MUC4: variants seen among roughly 807,000 people sequenced by gnomAD.
MUC4 encodes the protein mucin 4, cell surface associated, also known as mucin-4.
In MUC4, 202 loss-of-function variants were observed where a neutral mutation model predicts 257.9. The ratio of observed to expected loss-of-function variants is 0.78; its 90% CI spans 0.70 to 0.88. The LOEUF (loss-of-function observed/expected upper bound fraction) is 0.88, where lower values mean the gene tolerates loss of function less well. Among genes scored for constraint, MUC4 ranks in the 40% least tolerant of loss-of-function variants. The probability of loss-of-function intolerance (pLI) is 0.00; values close to 1 mark genes in which losing one functional copy is unlikely to be tolerated. For missense variants in MUC4, 5,976 were observed against 6,513.7 expected (o/e 0.92, Z 2.84); for synonymous variants, 2,351 against 2,757.1 (o/e 0.85, Z 4.62).
chr3:195,751,316 C>CA, intron 21 of MUC4, 45 bp from the exon 22 acceptor site: 2 of 1,455,362 alleles, frequency 1.4e-6, no homozygotes, highest in Non-Finnish European at 1.9e-6. Context: ...AGGCCCCATC[C>CA]GGGGGGGAGA....
At position 195,755,962 on chromosome 3, in the gene MUC4, A is replaced by C. The variant is rs1331158906; in HGVS notation, c.15168+1185T>G. ...CTTTCTGGCTCTTCCTTTACAACCA[A>C]AAATAAAAATAAAAAAGCAGATAGG... is the stretch of plus-strand genomic sequence containing the variant. On this transcript the variant is annotated intron_variant, in intron 18 of 24. Coordinates refer to ENST00000463781, the MANE Select transcript of MUC4 (RefSeq NM_018406.7). This position sits in a 1 kb window ranked among gnomAD's most constrained non-coding sequence, Gnocchi z 5.0. Among the ~76,000 whole-genome samples, 1 of 152,176 alleles carries C rather than the reference A, an allele frequency of 6.6e-6. No individual in the cohort carries two copies. Among genetic ancestry groups the C allele is most frequent in the Admixed American group, 6.5e-5 (1 of 15,278 alleles).
rs186560307 is a variant in MUC4, at chr3:195,780,043, G to T, written c.11537C>A (p.Pro3846His). The T allele has an allele frequency of 7.4e-5, 34 of 460,674 alleles. 10 individuals are homozygous for T. The highest frequency in any genetic ancestry group is 4.9e-4 in the East Asian group (3 of 6,142). 28.5% of individuals were successfully genotyped at this position (460,674 alleles called of 1,614,324 possible). A position where few individuals can be genotyped will look rare whatever the true frequency, so the allele number is the denominator to read the frequency against. Residue 3846 changes from proline to histidine, a missense_variant, in exon 2 of 25, where the codon CCT becomes CAT. By Grantham distance (77) the Pro-to-His change is moderately conservative. Around this residue, in one of 44 missense-constraint regions of MUC4, gnomAD observed 330 missense variants for 262.0 expected, o/e 1.26. Transcript: ENST00000463781. Reference sequence around the variant, plus strand: ...GGTGTCACCTGTGGATACTGAGGAAGGGATGGTGACAGGAAGAGGGGTGGC... The same window carrying T: ...GGTGTCACCTGTGGATACTGAGGAATGGATGGTGACAGGAAGAGGGGTGGC... ...GHATPLPVTI[P>H]SSVSTGDTMP...
chr3:195,807,853 A>G (rs146991753), intron 1 of MUC4, among the ~76,000 whole-genome samples: 1,763 of 152,356 alleles, frequency 0.012, 34 homozygotes, highest in African/African-American at 0.04. Context: ...AGCAATGAAG[A>G]CACAAATCAC....
At position 195,748,997 on chromosome 3, in the gene MUC4, G is replaced by T; in HGVS notation, c.15939C>A (p.Ser5313Arg). 6.2e-7 allele frequency: 1 copy of T among 1,609,802 alleles called. No individual in the cohort carries two copies. Among genetic ancestry groups the T allele is most frequent in the East Asian group, 2.2e-5 (1 of 44,724 alleles). Residue 5313 changes from serine to arginine, a missense_variant, in exon 24 of 25, where the codon AGC (serine) becomes AGA (arginine). Ser to Arg is a moderately radical substitution (Grantham distance 110). This residue lies in a region of MUC4 where 310 missense variants were observed against 242.1 expected (regional missense o/e 1.28). Coordinates refer to ENST00000463781, the MANE Select transcript of MUC4 (RefSeq NM_018406.7). ...ACACGCAGGTGAAGCCGCTCTGGGG[G>T]CTGTAGACCAGGTCGTAGCCCTTGT... Reference protein sequence around the residue: ...DGYKGYDLVYSPQSGFTCVSP... With the variant: ...DGYKGYDLVYRPQSGFTCVSP...
chr3:195,785,556 T>G lies in MUC4; in HGVS notation c.6024A>C (p.Ser2008=), dbSNP rs1337680806. The change falls in exon 2 of 25, where the codon TCA becomes TCC. Residue 2008 remains serine, a synonymous_variant. Coordinates refer to ENST00000463781, the MANE Select transcript of MUC4 (RefSeq NM_018406.7). ...GAGGGGTGGCCTGTCCTGTAGATAC[T>G]GAGGAAGTGTCGGTGACCGGAAGAG... is the stretch of plus-strand genomic sequence containing the variant. ...ATPLPVTDTS[S]VSTGQATPLP... 6.6e-7 allele frequency: 1 copy of G among 1,519,466 alleles called. No individual in the cohort carries two copies. The allele number at this position is 1,519,466 out of a possible 1,614,324, so 94.1% of individuals were successfully genotyped here. A position where few individuals can be genotyped will look rare whatever the true frequency, so the allele number is the denominator to read the frequency against.
At position 195,790,584 on chromosome 3, in the gene MUC4, G is replaced by T. The variant is rs1733735364; in HGVS notation, c.996C>A (p.Thr332=). The T allele has an allele frequency of 1.2e-6, 2 of 1,613,880 alleles. No homozygotes were observed. The highest frequency in any genetic ancestry group is 2.7e-5 in the African/African-American group (2 of 74,916). ...GGGTGTTGATTTGAGATACTCTGGTGGTCTCCACGCTCTGAGTCTGGTGGT... is the reference window on the plus strand; with the variant it reads ...GGGTGTTGATTTGAGATACTCTGGTTGTCTCCACGCTCTGAGTCTGGTGGT... ...SKNHQTQSVE[T]TRVSQINTLN... Residue 332 remains threonine (T), a synonymous_variant, in exon 2 of 25, where the codon ACC becomes ACA. Transcript: ENST00000463781.
At chr3:195,754,762 G>A (rs548189811) in intron 18 of MUC4, among the ~76,000 whole-genome samples, 1 of 152,202 alleles carries the variant, frequency 6.6e-6, no homozygotes, top group African/African-American at 2.4e-5. Flanking sequence ...ATCCATGTAT[G>A]TATGTATCCA....
chr3:195,765,464 G>T lies in MUC4; in HGVS notation c.13619-15C>A, dbSNP rs202055256. 142 of 1,604,696 alleles carry T rather than the reference G, an allele frequency of 8.8e-5. No individual in the cohort carries two copies. The highest frequency in any genetic ancestry group is 4.9e-4 in the East Asian group (22 of 44,740). Reference sequence around the variant, plus strand: ...CCCTTGGAGGCCTGAGGTCGGGGATGGGGGGGAAAGGGCTTATCCAGGGCT... The same window carrying T: ...CCCTTGGAGGCCTGAGGTCGGGGATTGGGGGGAAAGGGCTTATCCAGGGCT... On this transcript the variant is annotated splice_polypyrimidine_tract_variant and intron_variant, in intron 8 of 24. Coordinates refer to ENST00000463781, the MANE Select transcript of MUC4 (RefSeq NM_018406.7).
rs375346565 is a variant in MUC4 at position 195,765,465 on chromosome 3, G to T, written c.13619-16C>A. 9 of 1,606,312 alleles carry T rather than the reference G, an allele frequency of 5.6e-6. No individual in the cohort carries two copies. In the African/African-American group the frequency reaches 6.7e-5, roughly 12 times the overall value. ...CCTTGGAGGCCTGAGGTCGGGGATG[G>T]GGGGGAAAGGGCTTATCCAGGGCTG... On this transcript the variant is annotated splice_polypyrimidine_tract_variant and intron_variant, in intron 8 of 24. Coordinates refer to ENST00000463781, the MANE Select transcript of MUC4 (RefSeq NM_018406.7).
chr3:195,767,036 C>A (rs1720663249), intron 7 of MUC4, among the ~76,000 whole-genome samples: 2 of 152,150 alleles, frequency 1.3e-5, no homozygotes, highest in South Asian at 4.1e-4. Flanking sequence ...GTGAAAACAA[C>A]AGAGTTCAGG....
Position 195,789,430 on chromosome 3 carries a change from G to T in MUC4, c.2150C>A (p.Pro717His), listed in dbSNP as rs777801679. 14 of 1,613,948 alleles carry T rather than the reference G, an allele frequency of 8.7e-6. No individual in the cohort carries two copies. The highest frequency in any genetic ancestry group is 1.6e-4 in the Middle Eastern group (1 of 6,062). ...CCCCAGGGTGGCATCATGGCTGCTG[G>T]GTGCTGCCTGCAGTGCTGTGGTCGG... ...QAPTTALQAA[P>H]SSHDATLGPS... Residue 717 changes from proline to histidine, a missense_variant, in exon 2 of 25, where the codon CCC becomes CAC. By Grantham distance (77) the Pro-to-His change is moderately conservative. Coordinates refer to ENST00000463781, the MANE Select transcript of MUC4 (RefSeq NM_018406.7).
At chr3:195,778,713 G>T in intron 2 of MUC4, 77 bp downstream of exon 2, 1 of 1,451,308 alleles carries the variant, frequency 6.9e-7, no homozygotes, top group Non-Finnish European at 9.3e-7. Context: ...ATGCACCAGT[G>T]TTCTCAGGTA....
chr3:195,770,558 A>G, intron 5 of MUC4, 187 bp from the exon 6 acceptor site: 1 of 650,602 alleles, frequency 1.5e-6, no homozygotes. Context: ...GGGCTGCAGG[A>G]AGGCCTGCAG....
chr3:195,777,842 A>T (rs1483162992), intron 3 of MUC4, among the ~76,000 whole-genome samples: 98 of 94,438 alleles, frequency 1.0e-3, no homozygotes, highest in Admixed American at 2.8e-3. Context: ...TTCCACATCC[A>T]TACCTTCCAC....
rs572823607 is a variant in MUC4, at chr3:195,783,911, G to A, written c.7669C>T (p.His2557Tyr). 2.0e-6 allele frequency: 3 copies of A among 1,509,508 alleles called. No individual in the cohort carries two copies. Among genetic ancestry groups the A allele is most frequent in the Non-Finnish European group, 8.9e-7 (1 of 1,125,748 alleles). 93.5% of individuals were successfully genotyped at this position (1,509,508 alleles called of 1,614,324 possible). Reference sequence around the variant, plus strand: ...TCGGTGACAGGAAGAGAGGTGGCGTGACCTGTGGATGCTGAGGAAGGGCTG... The same window carrying A: ...TCGGTGACAGGAAGAGAGGTGGCGTAACCTGTGGATGCTGAGGAAGGGCTG... ...VTSPSSASTG[H>Y]ATSLPVTDTS... Residue 2557 changes from histidine (H) to tyrosine (Y), a missense_variant, in exon 2 of 25, where the codon CAC (histidine) becomes TAC (tyrosine). Around this residue, in one of 44 missense-constraint regions of MUC4, gnomAD observed 135 missense variants for 114.7 expected, o/e 1.18. Coordinates refer to ENST00000463781, the MANE Select transcript of MUC4 (RefSeq NM_018406.7).
rs765116886 is a variant in MUC4, at chr3:195,769,158, G to A, written c.13399-6C>T. 1.1e-5 allele frequency: 17 copies of A among 1,613,796 alleles called. No homozygotes were observed. Among genetic ancestry groups the A allele is most frequent in the Non-Finnish European group, 1.4e-5 (17 of 1,179,930 alleles). ...ATGGCTTGGTAGGTGTTGCTCTGGGGGTGGGTGGAAGAAAACACAGGGATG... is the reference window on the plus strand; with the variant it reads ...ATGGCTTGGTAGGTGTTGCTCTGGGAGTGGGTGGAAGAAAACACAGGGATG... On this transcript the variant is annotated splice_polypyrimidine_tract_variant and splice_region_variant and intron_variant, in intron 6 of 24. Coordinates refer to ENST00000463781, the MANE Select transcript of MUC4 (RefSeq NM_018406.7).
At position 195,752,443 on chromosome 3, in the gene MUC4, A is replaced by C; in HGVS notation, c.15512T>G (p.Leu5171Arg). ...CAAGAGCTGGATGACTCTTAAGGGA[A>C]GTTCTGGAGATGGGAGAAGCAAATG... The part of the protein sequence containing the change: ...NNFSPTVNLE[L>R]PLRVIQLLLS... Residue 5171 changes from leucine (L) to arginine (R), a missense_variant, in exon 21 of 25, where the codon CTT (leucine) becomes CGT (arginine). By Grantham distance (102) the Leu-to-Arg change is moderately radical (BLOSUM62 -2). This residue lies in a region of MUC4 where 996 missense variants were observed against 1,137.3 expected (regional missense o/e 0.88). Coordinates refer to ENST00000463781, the MANE Select transcript of MUC4 (RefSeq NM_018406.7). 1 of 1,613,664 alleles carries C rather than the reference A, an allele frequency of 6.2e-7. No individual in the cohort carries two copies. The highest frequency in any genetic ancestry group is 8.5e-7 in the Non-Finnish European group (1 of 1,179,498).
At position 195,783,128 on chromosome 3, in the gene MUC4, G is replaced by A. The variant is rs781281017; in HGVS notation, c.8452C>T (p.Pro2818Ser). Residue 2818 changes from proline (P) to serine (S), a missense_variant, in exon 2 of 25, where the codon CCT becomes TCT. Pro to Ser is a moderately conservative substitution (Grantham distance 74). Coordinates refer to ENST00000463781, the MANE Select transcript of MUC4 (RefSeq NM_018406.7). ...SVSTGHATSL[P>S]VTDASSVFTG... ...AACACTGAGGAAGCGTCGGTGACAG[G>A]AAGAGAGGTGGCGTGACCTGTGGAC... The A allele has an allele frequency of 1.5e-6, 2 of 1,292,144 alleles. No individual in the cohort carries two copies. The allele number at this position is 1,292,144 out of a possible 1,614,324, so 80.0% of individuals were successfully genotyped here. A position where few individuals can be genotyped will look rare whatever the true frequency, so the allele number is the denominator to read the frequency against.
intron 1 of MUC4, among the ~76,000 whole-genome samples, 182 bp from the exon 2 acceptor site, chr3:195,791,679 T>G (rs111371408): frequency 0.09 from 13,655 of 152,126 alleles, 662 homozygotes; most frequent in Middle Eastern, 0.2. Context: ...AGAACCCAAA[T>G]AGCCAAGACA....
Sources: allele counts gnomAD v4.1 joint callset (sites outside exome capture counted in the v4.1 genomes callset), GRCh38; gene constraint gnomAD v4.1.1; regional missense constraint gnomAD v4.1.1; non-coding constraint Gnocchi (gnomAD v3.1); transcripts MANE v1.5; gene names NCBI Gene and HGNC (gene_info 2026-07-23, HGNC 2026-07-21).